The following CSTPP1 variants were observed in gnomAD, a reference collection of about 807,000 sequenced individuals.
CSTPP1 encodes the protein centriolar satellite-associated tubulin polyglutamylase complex regulator 1.
the CSTPP1 span, among the ~76,000 whole-genome samples, chr11:47,030,101 T>G: frequency 6.6e-6 from 1 of 152,242 alleles, no homozygotes; most frequent in Middle Eastern, 3.4e-3. Flanking sequence ...TACTCCAGCC[T>G]TGGTAACAGA....
the CSTPP1 span, among the ~76,000 whole-genome samples, chr11:47,067,411 C>T: frequency 2.0e-5 from 3 of 151,916 alleles, no homozygotes; most frequent in African/African-American, 7.3e-5. Context: ...CTGTGTCTGC[C>T]CCCCCCAAAT....
At chr11:46,938,280 T>C in the CSTPP1 span, among the ~76,000 whole-genome samples, 29 of 150,976 alleles carry the variant, frequency 1.9e-4, no homozygotes, top group Non-Finnish European at 2.9e-5. Flanking sequence ...CTTGCATTAG[T>C]GTGGTACATT....
At chr11:47,059,447 C>T in the CSTPP1 span, among the ~76,000 whole-genome samples, 3 of 152,030 alleles carry the variant, frequency 2.0e-5, no homozygotes, top group Non-Finnish European at 4.4e-5. Context: ...TCCATAATAG[C>T]ACAAGGGAGA....
the CSTPP1 span, among the ~76,000 whole-genome samples, chr11:46,938,718 T>C: frequency 6.6e-6 from 1 of 152,000 alleles, no homozygotes; most frequent in South Asian, 2.1e-4. Flanking sequence ...CATTTCTTTT[T>C]ATTTCTGAAT....
the CSTPP1 span, chr11:46,936,800 C>T: frequency 6.2e-7 from 1 of 1,610,510 alleles, no homozygotes; most frequent in Non-Finnish European, 8.5e-7. Context: ...CCACCCCGGT[C>T]AAAGGATGCT....
the CSTPP1 span, among the ~76,000 whole-genome samples, chr11:46,938,761 C>CT: frequency 0.047 from 5,853 of 123,474 alleles, 376 homozygotes; most frequent in African/African-American, 0.19. Context: ...CCATGCACAT[C>CT]TTTTTTTTTT....
the CSTPP1 span, among the ~76,000 whole-genome samples, chr11:46,992,807 C>T: frequency 6.6e-6 from 1 of 152,290 alleles, no homozygotes; most frequent in East Asian, 1.9e-4. Context: ...CTTGAGGAAT[C>T]GCCACACTGT....
the CSTPP1 span, among the ~76,000 whole-genome samples, chr11:47,043,414 G>C: frequency 6.6e-6 from 1 of 151,728 alleles, no homozygotes; most frequent in Non-Finnish European, 1.5e-5. Context: ...GGAGGAAGCA[G>C]ACAGCCTTAC....
At chr11:46,964,284 T>G in the CSTPP1 span, among the ~76,000 whole-genome samples, 4 of 143,188 alleles carry the variant, frequency 2.8e-5, no homozygotes, top group Non-Finnish European at 4.4e-5. Flanking sequence ...CTTCTCTCTC[T>G]CTCTCTTTTT....
At chr11:46,939,399 TA>T in the CSTPP1 span, among the ~76,000 whole-genome samples, 1 of 152,100 alleles carries the variant, frequency 6.6e-6, no homozygotes, top group East Asian at 1.9e-4. Context: ...AACATCTTTT[TA>T]AATGAAAAAC....
At chr11:47,026,226 G>T in the CSTPP1 span, among the ~76,000 whole-genome samples, 1 of 152,326 alleles carries the variant, frequency 6.6e-6, no homozygotes, top group Non-Finnish European at 1.5e-5. Flanking sequence ...ATACTGTAAA[G>T]AGAAACAGTC....
the CSTPP1 span, chr11:47,161,033 G>T: frequency 6.5e-7 from 1 of 1,534,316 alleles, no homozygotes; most frequent in Non-Finnish European, 9.0e-7. Context: ...AGGGTCAGCA[G>T]AACAGGCAGC....
the CSTPP1 span, among the ~76,000 whole-genome samples, chr11:46,956,612 C>T: frequency 6.6e-6 from 1 of 152,168 alleles, no homozygotes; most frequent in Non-Finnish European, 1.5e-5. Flanking sequence ...GGTGATCTCA[C>T]AGCATGTAAA....
chr11:47,132,048 G>C, the CSTPP1 span, among the ~76,000 whole-genome samples: 6 of 152,176 alleles, frequency 3.9e-5, no homozygotes, highest in East Asian at 1.2e-3. Context: ...TGAGCACTTG[G>C]TGCAAAGGCC....
the CSTPP1 span, chr11:47,159,855 T>A: frequency 2.7e-6 from 1 of 364,044 alleles, no homozygotes; most frequent in Admixed American, 3.5e-5. Flanking sequence ...AAATACAAAA[T>A]TAGCCAGTTG....
At chr11:47,146,910 G>C in the CSTPP1 span, among the ~76,000 whole-genome samples, 2 of 152,312 alleles carry the variant, frequency 1.3e-5, no homozygotes, top group Middle Eastern at 3.4e-3. Flanking sequence ...GAATGACACA[G>C]AGTTTGAGAA....
chr11:47,151,133 C>CA, the CSTPP1 span, among the ~76,000 whole-genome samples: 1 of 152,000 alleles, frequency 6.6e-6, no homozygotes, highest in Non-Finnish European at 1.5e-5. Context: ...GATGGATACT[C>CA]AATTAGAAGA....
At chr11:47,028,898 T>A in the CSTPP1 span, among the ~76,000 whole-genome samples, 1 of 152,076 alleles carries the variant, frequency 6.6e-6, no homozygotes, top group Non-Finnish European at 1.5e-5. Flanking sequence ...AGTGCAGTGA[T>A]GTAATCTTGG....
the CSTPP1 span, among the ~76,000 whole-genome samples, chr11:46,962,431 C>T: frequency 6.6e-6 from 1 of 152,022 alleles, no homozygotes; most frequent in Non-Finnish European, 1.5e-5. Flanking sequence ...TTTGCATTTC[C>T]TTATGAATTT....
Sources: gnomAD v4.1 joint callset for allele counts (sites outside exome capture counted in the v4.1 genomes callset) on GRCh38, gnomAD v4.1.1 for gene constraint, MANE v1.5 for transcripts, NCBI Gene and HGNC (gene_info 2026-07-23, HGNC 2026-07-21) for gene names.